TENM4: variants seen among roughly 807,000 people sequenced by gnomAD.
The protein encoded by TENM4 is teneurin transmembrane protein 4, also known as teneurin-4.
Under a neutral mutation model 243.3 loss-of-function variants are expected in TENM4, and 82 were observed. The ratio of observed to expected loss-of-function variants is 0.34; its 90% CI spans 0.28 to 0.40. The LOEUF is 0.40. Among genes scored for constraint, TENM4 ranks in the 10% least tolerant of loss-of-function variants. The pLI is 1.00. For synonymous variants in TENM4, 1,412 were observed against 1,456.3 expected, an observed-to-expected ratio of 0.97 and a Z score of 0.69; for missense variants, 3,138 against 3,673.3, an observed-to-expected ratio of 0.85 and a Z score of 3.77.
intron 24 of TENM4, among the ~76,000 whole-genome samples, chr11:78,721,065 G>A (rs1201996903): frequency 6.6e-6 from 1 of 152,172 alleles, no homozygotes; most frequent in Non-Finnish European, 1.5e-5. Context: ...TGAAAACGGA[G>A]GTCCAGGGAG....
intron 2 of TENM4, among the ~76,000 whole-genome samples, chr11:79,288,649 C>T (rs499871): frequency 0.48 from 73,230 of 152,104 alleles, 17,907 homozygotes; most frequent in African/African-American, 0.56. Flanking sequence ...CACCCGGCTC[C>T]GTCTCTTGCA....
At chr11:79,012,132 G>T (rs587740) in intron 6 of TENM4, among the ~76,000 whole-genome samples, 14 of 151,974 alleles carry the variant, frequency 9.2e-5, no homozygotes, top group African/African-American at 3.4e-4. Context: ...CGGCTCCTCT[G>T]TCCTGGGGGA....
intron 2 of TENM4, among the ~76,000 whole-genome samples, chr11:79,227,157 C>A (rs1242168306): frequency 6.6e-6 from 1 of 152,180 alleles, no homozygotes; most frequent in African/African-American, 2.4e-5. Flanking sequence ...GCCACATAAC[C>A]CCCGTGGCTT....
intron 1 of TENM4, among the ~76,000 whole-genome samples, chr11:79,422,753 A>G (rs1858962115): frequency 6.6e-6 from 1 of 152,084 alleles, no homozygotes; most frequent in Non-Finnish European, 1.5e-5. Context: ...GAACAGAGGG[A>G]GGGAGGGTCT....
intron 2 of TENM4, among the ~76,000 whole-genome samples, chr11:79,254,035 C>T (rs1855658213): frequency 1.3e-5 from 2 of 152,108 alleles, no homozygotes; most frequent in Non-Finnish European, 2.9e-5. Flanking sequence ...GATAATTTTC[C>T]AGTGTTTACC....
intron 25 of TENM4, among the ~76,000 whole-genome samples, chr11:78,718,519 G>A (rs2135827316): frequency 6.6e-6 from 1 of 152,326 alleles, no homozygotes; most frequent in Non-Finnish European, 1.5e-5. Flanking sequence ...GGGCTGGACA[G>A]CACCTGGCCT....
chr11:79,205,353 G>C (rs1195322693), intron 3 of TENM4, among the ~76,000 whole-genome samples: 2 of 152,094 alleles, frequency 1.3e-5, no homozygotes, highest in Non-Finnish European at 2.9e-5. Context: ...ATGTGTGTAT[G>C]GGTTAAGTTC....
Position 78,787,830 on chromosome 11 carries a change from G to A in TENM4, c.2180-747C>T, listed in dbSNP as rs73498527. Reference sequence around the variant, plus strand: ...GTGGAGCTGCCCACCCTTCACAAAGGCACATCTGTGAGATGGTGCAAAACA... The same window carrying A: ...GTGGAGCTGCCCACCCTTCACAAAGACACATCTGTGAGATGGTGCAAAACA... On this transcript the variant is annotated intron_variant, in intron 15 of 33. Coordinates refer to ENST00000278550, the MANE Select transcript of TENM4 (RefSeq NM_001098816.3). 6.5e-3 allele frequency among the ~76,000 whole-genome samples: 983 copies of A among 152,294 alleles called. 9 individuals carry two copies. The highest frequency in any genetic ancestry group is 0.023 in the African/African-American group (958 of 41,538).
At chr11:79,252,978 T>C (rs1481647336) in intron 2 of TENM4, among the ~76,000 whole-genome samples, 1 of 152,242 alleles carries the variant, frequency 6.6e-6, no homozygotes, top group Non-Finnish European at 1.5e-5. Flanking sequence ...GCTTAATACA[T>C]ATATTATATC....
chr11:78,915,395 T>C (rs1565124131), intron 6 of TENM4, among the ~76,000 whole-genome samples: 1 of 152,100 alleles, frequency 6.6e-6, no homozygotes, highest in Non-Finnish European at 1.5e-5. Context: ...TAATATATCA[T>C]AGCCTGTGTG....
chr11:78,970,518 G>GAT (rs1857519058), intron 6 of TENM4, among the ~76,000 whole-genome samples: 1 of 152,144 alleles, frequency 6.6e-6, no homozygotes, highest in Non-Finnish European at 1.5e-5. Flanking sequence ...CCCTCTTTTA[G>GAT]GGCAGTAAAG....
At chr11:78,701,465 C>G in intron 28 of TENM4, 61 bp downstream of exon 28, 5 of 1,493,736 alleles carry the variant, frequency 3.3e-6, no homozygotes, top group Non-Finnish European at 4.5e-6. Flanking sequence ...ATCAATTTAC[C>G]TCCAATCCTA....
rs756941484 is a variant in TENM4, at chr11:79,431,942, G to A, written c.-321+8567C>T. 5.5e-4 allele frequency among the ~76,000 whole-genome samples: 83 copies of A among 152,126 alleles called. 1 individual carries two copies. The highest frequency in any genetic ancestry group is 2.3e-3 in the Admixed American group (35 of 15,292). On this transcript the variant is annotated intron_variant, in intron 1 of 33. Coordinates refer to ENST00000278550, the MANE Select transcript of TENM4 (RefSeq NM_001098816.3). The stretch of plus-strand genomic sequence containing the variant: ...TTTTTTTTTAATCCCAACCTTAATC[G>A]AATGTCTTACAATGATAGAAATGTT...
chr11:78,719,709 G>C (rs551209251), intron 25 of TENM4, among the ~76,000 whole-genome samples: 1 of 152,350 alleles, frequency 6.6e-6, no homozygotes, highest in South Asian at 2.1e-4. Context: ...GGAGTCAGGT[G>C]AATGCCATAG....
intron 4 of TENM4, among the ~76,000 whole-genome samples, chr11:79,113,392 G>GGTGTGTGTGTGTGT (rs113144339): frequency 0.011 from 1,614 of 145,146 alleles, 15 homozygotes; most frequent in Non-Finnish European, 0.014. Flanking sequence ...CTATTGGATT[G>GGTGTGTGTGTGTGT]GTGTGTGTGT....
chr11:78,856,584 G>C (rs1858686539), intron 10 of TENM4, among the ~76,000 whole-genome samples: 1 of 152,130 alleles, frequency 6.6e-6, no homozygotes, highest in Non-Finnish European at 1.5e-5. Flanking sequence ...GGAACAAAGT[G>C]TTATTAATTT....
intron 4 of TENM4, among the ~76,000 whole-genome samples, chr11:79,143,719 A>G (rs944881745): frequency 2.0e-5 from 3 of 151,754 alleles, no homozygotes; most frequent in Non-Finnish European, 2.9e-5. Flanking sequence ...AAATAAATAA[A>G]TGGTGCTGGG....
intron 1 of TENM4, among the ~76,000 whole-genome samples, chr11:79,356,133 A>G (rs558802): frequency 0.21 from 31,708 of 152,088 alleles, 4,059 homozygotes; most frequent in East Asian, 0.31. Flanking sequence ...GTAGGTGCCC[A>G]TCAGCAGATC....
At chr11:79,048,149 G>A (rs1202724658) in intron 6 of TENM4, among the ~76,000 whole-genome samples, 1 of 152,112 alleles carries the variant, frequency 6.6e-6, no homozygotes, top group African/African-American at 2.4e-5. Context: ...TGAGGTGACG[G>A]CATTCACCTG....
Sources: allele counts gnomAD v4.1 joint callset (sites outside exome capture counted in the v4.1 genomes callset), GRCh38; gene constraint gnomAD v4.1.1; transcripts MANE v1.5; gene names NCBI Gene and HGNC (gene_info 2026-07-23, HGNC 2026-07-21).